Variants in AGBL4 observed in about 807,000 individuals in gnomAD.
The protein encoded by AGBL4 is cytosolic carboxypeptidase 6.
Under a neutral mutation model 66.4 loss-of-function variants are expected in AGBL4, and 58 were observed. The ratio of observed to expected loss-of-function variants is 0.87; its 90% CI spans 0.71 to 1.09. AGBL4 has a LOEUF of 1.09. Among genes scored for constraint, AGBL4 ranks in the 50% least tolerant of loss-of-function variants. The probability of loss-of-function intolerance (pLI) is 0.00; values close to 1 mark genes in which losing one functional copy is unlikely to be tolerated. For synonymous variants in AGBL4, 234 were observed against 222.9 expected, an observed-to-expected ratio of 1.05 and a Z score of -0.44; for missense variants, 579 against 631.0, an observed-to-expected ratio of 0.92 and a Z score of 0.88.
intron 1 of AGBL4, among the ~76,000 whole-genome samples, chr1:49,893,930 G>GCTGGC (rs1183204579): frequency 1.3e-5 from 2 of 152,178 alleles, no homozygotes; most frequent in Non-Finnish European, 1.5e-5. Context: ...CCAGGGCTGT[G>GCTGGC]CTGGCTTTAG....
intron 5 of AGBL4, among the ~76,000 whole-genome samples, chr1:48,892,833 T>G (rs1192937917): frequency 6.6e-6 from 1 of 152,214 alleles, no homozygotes; most frequent in Non-Finnish European, 1.5e-5. Context: ...CCCCCCCTTT[T>G]CTTTTTTAAA....
At chr1:49,150,286 C>T (rs1646302348) in intron 4 of AGBL4, among the ~76,000 whole-genome samples, 1 of 152,106 alleles carries the variant, frequency 6.6e-6, no homozygotes, top group African/African-American at 2.4e-5. Flanking sequence ...CTACAAGTCG[C>T]ACCTATGCAC....
At chr1:49,882,967 A>C (rs1647568910) in intron 1 of AGBL4, among the ~76,000 whole-genome samples, 1 of 152,128 alleles carries the variant, frequency 6.6e-6, no homozygotes, top group Non-Finnish European at 1.5e-5. Flanking sequence ...CTATTCATAA[A>C]TATGTGAGCT....
intron 2 of AGBL4, among the ~76,000 whole-genome samples, chr1:49,827,897 A>G (rs757075079): frequency 3.3e-5 from 5 of 152,226 alleles, no homozygotes; most frequent in Non-Finnish European, 2.9e-5. Context: ...AATTATGTAG[A>G]GCTTATTACT....
chr1:49,169,483 T>C (rs1387080975), intron 4 of AGBL4, among the ~76,000 whole-genome samples: 1 of 152,250 alleles, frequency 6.6e-6, no homozygotes, highest in African/African-American at 2.4e-5. Context: ...TTTTGTTTTA[T>C]TGAGGTGAAA....
At chr1:48,753,806 T>C (rs959182713) in intron 6 of AGBL4, among the ~76,000 whole-genome samples, 5 of 152,240 alleles carry the variant, frequency 3.3e-5, no homozygotes, top group African/African-American at 1.2e-4. Context: ...TAAAATGCCA[T>C]GCACATGTGA....
At chr1:48,964,097 A>C (rs1198691150) in intron 5 of AGBL4, among the ~76,000 whole-genome samples, 1 of 152,240 alleles carries the variant, frequency 6.6e-6, no homozygotes, top group Non-Finnish European at 1.5e-5. Context: ...TGATGGAGTC[A>C]GGGTAGGTGT....
Position 49,415,893 on chromosome 1 carries a change from T to C in AGBL4, c.283-170029A>G, listed in dbSNP as rs562398038. 3.3e-5 allele frequency among the ~76,000 whole-genome samples: 5 copies of C among 152,206 alleles called. No individual in the cohort carries two copies. In the South Asian group the frequency reaches 1.0e-3, roughly 32 times the overall value. ...AGATCAAGAAATGCCAAAACCTGTG[T>C]CTTCCCACCATACCCCAACACCCCT... On this transcript the variant is annotated intron_variant, in intron 3 of 13. Transcript: ENST00000371839.
chr1:48,554,349 T>C (rs1479456240), intron 11 of AGBL4, among the ~76,000 whole-genome samples: 11 of 152,184 alleles, frequency 7.2e-5, no homozygotes, highest in Non-Finnish European at 1.2e-4. Context: ...ACTGACCCAC[T>C]CCTGGGCTTC....
chr1:49,706,980 A>G (rs188071099), intron 2 of AGBL4, among the ~76,000 whole-genome samples: 3 of 152,244 alleles, frequency 2.0e-5, no homozygotes, highest in African/African-American at 7.2e-5. Flanking sequence ...GGGCAATTCT[A>G]GAATAACTGT....
intron 3 of AGBL4, among the ~76,000 whole-genome samples, chr1:49,613,996 T>A (rs996280553): frequency 6.6e-6 from 1 of 152,232 alleles, no homozygotes; most frequent in African/African-American, 2.4e-5. Context: ...GCTCCCTTTG[T>A]TCATGCTCTT....
chr1:49,414,819 T>C (rs972745182), intron 3 of AGBL4, among the ~76,000 whole-genome samples: 1 of 152,166 alleles, frequency 6.6e-6, no homozygotes, highest in East Asian at 1.9e-4. Context: ...TTCATAGGCT[T>C]ATTGTGAGGA....
intron 5 of AGBL4, among the ~76,000 whole-genome samples, chr1:49,024,640 T>C (rs1571256518): frequency 6.6e-6 from 1 of 152,322 alleles, no homozygotes; most frequent in East Asian, 1.9e-4. Context: ...AATAACCTAT[T>C]ATCATGTTTG....
At chr1:49,666,226 A>C (rs1296409769) in intron 3 of AGBL4, among the ~76,000 whole-genome samples, 1 of 152,100 alleles carries the variant, frequency 6.6e-6, no homozygotes, top group Admixed American at 6.6e-5. Context: ...GGAGGCATTC[A>C]ACAAATGTTC....
chr1:49,077,351 T>A (rs922455072), intron 4 of AGBL4, among the ~76,000 whole-genome samples: 1 of 152,172 alleles, frequency 6.6e-6, no homozygotes, highest in Non-Finnish European at 1.5e-5. Context: ...TAACCAAAGA[T>A]ACATCAAGAA....
intron 1 of AGBL4, among the ~76,000 whole-genome samples, chr1:49,979,199 C>T (rs1572000796): frequency 2.0e-5 from 3 of 152,212 alleles, no homozygotes; most frequent in Admixed American, 2.0e-4. Flanking sequence ...CGGTGGCTCA[C>T]GCCTGTAATC....
At chr1:48,916,197 A>C (rs1653566570) in intron 5 of AGBL4, among the ~76,000 whole-genome samples, 1 of 152,230 alleles carries the variant, frequency 6.6e-6, no homozygotes, top group Admixed American at 6.5e-5. Flanking sequence ...TCAGAGAAAT[A>C]GACGTTCTGC....
At chr1:48,545,415 C>T (rs1053387959) in intron 11 of AGBL4, among the ~76,000 whole-genome samples, 1 of 152,122 alleles carries the variant, frequency 6.6e-6, no homozygotes, top group Admixed American at 6.5e-5. Flanking sequence ...AGTCAAGAAA[C>T]AGGACATGGG....
intron 6 of AGBL4, among the ~76,000 whole-genome samples, chr1:48,724,132 G>A (rs577233274): frequency 6.6e-6 from 1 of 152,264 alleles, no homozygotes; most frequent in African/African-American, 2.4e-5. Context: ...GGTGTAGGGA[G>A]AGAAGAGAGG....
Sources: allele counts gnomAD v4.1 joint callset (sites outside exome capture counted in the v4.1 genomes callset), GRCh38; gene constraint gnomAD v4.1.1; transcripts MANE v1.5; gene names NCBI Gene and HGNC (gene_info 2026-07-23, HGNC 2026-07-21).